The following PCDHA2 variants were observed in gnomAD, a reference collection of about 807,000 sequenced individuals.
PCDHA2 encodes the protein protocadherin alpha-2.
PCDHA2 carries 58 observed loss-of-function variants against 66.0 expected under a neutral mutation model. The observed-to-expected ratio is 0.88, with a 90% CI of 0.71 to 1.09. The LOEUF (loss-of-function observed/expected upper bound fraction) is 1.09. Ranked by LOEUF, PCDHA2 falls within the 50% of genes least tolerant of loss-of-function variation. PCDHA2 has a pLI of 0.00. For synonymous variants in PCDHA2, 634 were observed against 554.0 expected, an observed-to-expected ratio of 1.14 and a Z score of -2.03; for missense variants, 1,267 against 1,242.3, an observed-to-expected ratio of 1.02 and a Z score of -0.30.
intron 1 of PCDHA2, chr5:140,834,490 C>CCG (rs1360938098): frequency 5.0e-6 from 8 of 1,614,154 alleles, no homozygotes; most frequent in Non-Finnish European, 5.9e-6. Flanking sequence ...TACTCGGTCC[C>CCG]CGAGGAGGCT....
In PCDHA2 at chr5:140,884,485, A is replaced by G. The variant is rs781880810; in HGVS notation, c.2388+87133A>G. 8 of 1,613,726 alleles carry G rather than the reference A, an allele frequency of 5.0e-6. No homozygotes were observed. The South Asian group carries it at 6.6e-5, about 13-fold the overall frequency. Reference sequence around the variant, plus strand: ...CGTGCGCGCCGGGCAAGCCCACTCTAGTGTGCTCCAGCGCGGCAGGGAGTT... The same window carrying G: ...CGTGCGCGCCGGGCAAGCCCACTCTGGTGTGCTCCAGCGCGGCAGGGAGTT... On this transcript the variant is annotated intron_variant, in intron 1 of 3. Transcript: ENST00000526136.
At chr5:140,882,050 T>TA (rs1260382802) in intron 1 of PCDHA2, 7 of 756,632 alleles carry the variant, frequency 9.3e-6, no homozygotes, top group African/African-American at 3.5e-5. Context: ...GAGTCATACT[T>TA]ACACTTACAC....
intron 3 of PCDHA2, among the ~76,000 whole-genome samples, chr5:140,996,441 C>G (rs2097726719): frequency 6.6e-6 from 1 of 152,146 alleles, no homozygotes; most frequent in Non-Finnish European, 1.5e-5. Context: ...TAGTCAGTGT[C>G]AAGTTGTGGT....
intron 1 of PCDHA2, among the ~76,000 whole-genome samples, chr5:140,840,919 A>C (rs2150310100): frequency 6.6e-5 from 10 of 152,182 alleles, no homozygotes; most frequent in African/African-American, 2.2e-4. Context: ...TAAATTTATT[A>C]TTAATTGATA....
chr5:140,940,635 TC>T (rs2092658903), intron 1 of PCDHA2, among the ~76,000 whole-genome samples: 1 of 152,214 alleles, frequency 6.6e-6, no homozygotes, highest in African/African-American at 2.4e-5. Context: ...CTTAAGCTTG[TC>T]ATTTATTTAT....
chr5:140,807,955 T>G (rs373945193), intron 1 of PCDHA2: 167 of 1,612,616 alleles, frequency 1.0e-4, no homozygotes, highest in Middle Eastern at 1.6e-4. Flanking sequence ...AAAATGTTCC[T>G]AATGGAACAT....
chr5:140,910,019 T>C (rs2074838579), intron 1 of PCDHA2, among the ~76,000 whole-genome samples: 1 of 152,222 alleles, frequency 6.6e-6, no homozygotes, highest in Non-Finnish European at 1.5e-5. Flanking sequence ...CATCCTTGTA[T>C]CCCTGGGATA....
intron 1 of PCDHA2, among the ~76,000 whole-genome samples, chr5:140,846,739 C>A (rs1314749505): frequency 8.0e-5 from 12 of 149,210 alleles, no homozygotes; most frequent in Non-Finnish European, 6.0e-5. Context: ...TTAAATAGGA[C>A]CCTTACAGAT....
At chr5:140,879,141 G>C (rs1413837977) in intron 1 of PCDHA2, among the ~76,000 whole-genome samples, 2 of 152,192 alleles carry the variant, frequency 1.3e-5, no homozygotes, top group Non-Finnish European at 2.9e-5. Context: ...GATTGTGAAG[G>C]CAGGAAAGCT....
chr5:140,876,662 T>G (rs782771484), intron 1 of PCDHA2: 23 of 1,614,114 alleles, frequency 1.4e-5, no homozygotes, highest in Non-Finnish European at 1.9e-5. Context: ...CCCTTCAAGC[T>G]GGTGTCCACC....
In PCDHA2 at chr5:140,961,136, G is replaced by A. The variant is rs1474839905; in HGVS notation, c.2389-17813G>A. On this transcript the variant is annotated intron_variant, in intron 1 of 3. Coordinates refer to ENST00000526136, the MANE Select transcript of PCDHA2 (RefSeq NM_018905.3). ...TGCATCTTAATGTCTTGGCACTTAA[G>A]AGTTGGCATATTATTTCAGTACATA... is the stretch of plus-strand genomic sequence containing the variant. Among the ~76,000 whole-genome samples the A allele has an allele frequency of 3.9e-5, 6 of 152,270 alleles. No homozygotes were observed. The East Asian group carries it at 1.2e-3, about 29-fold the overall frequency.
At chr5:140,846,342 C>CTTTCTCT (rs1780336698) in intron 1 of PCDHA2, among the ~76,000 whole-genome samples, 1 of 138,926 alleles carries the variant, frequency 7.2e-6, no homozygotes, top group Non-Finnish European at 1.6e-5. Flanking sequence ...TTTTAAAGTG[C>CTTTCTCT]TTTCTCTTTT....
chr5:140,863,219 G>T, intron 1 of PCDHA2: 1 of 1,108,786 alleles, frequency 9.0e-7, no homozygotes. Flanking sequence ...AGCCAAGCGA[G>T]GAAGGTCCCA....
Position 140,801,410 on chromosome 5 carries a change from C to T in PCDHA2, c.2388+4058C>T, listed in dbSNP as rs138112183. On this transcript the variant is annotated intron_variant, in intron 1 of 3. Coordinates refer to ENST00000526136, the MANE Select transcript of PCDHA2 (RefSeq NM_018905.3). ...TGTTCCGGGTGGCGTCCAAAAGACA[C>T]GGGGACCTTCTGGAGGTAAATCTGC... 100 of 1,613,778 alleles carry T rather than the reference C, an allele frequency of 6.2e-5. No individual in the cohort carries two copies. The Middle Eastern group carries it at 7.0e-4, about 11-fold the overall frequency.
intron 1 of PCDHA2, chr5:140,866,074 T>C (rs1409925126): frequency 6.6e-6 from 1 of 152,180 alleles, no homozygotes; most frequent in Non-Finnish European, 1.5e-5. Context: ...CTGAGATAGG[T>C]ATTTTGGTTA....
chr5:140,856,934 G>A, intron 1 of PCDHA2: 1 of 1,593,752 alleles, frequency 6.3e-7, no homozygotes. Context: ...TTGGATAAAC[G>A]AAAGGACGGG....
rs1554149344 is a variant in PCDHA2, at chr5:140,856,961, G to C, written c.2388+59609G>C. 5.0e-6 allele frequency: 8 copies of C among 1,590,776 alleles called. 2 individuals carry two copies. The highest frequency in any genetic ancestry group is 3.4e-5 in the Admixed American group (2 of 59,226). ...AAGGACGGGAGAAATAAAAGTAAATGATGCTATTGACTTTGAGGACAGTAA... is the reference window on the plus strand; with the variant it reads ...AAGGACGGGAGAAATAAAAGTAAATCATGCTATTGACTTTGAGGACAGTAA... On this transcript the variant is annotated intron_variant, in intron 1 of 3. Transcript: ENST00000526136.
intron 1 of PCDHA2, chr5:140,850,704 C>G (rs2041773068): frequency 1.3e-6 from 2 of 1,598,020 alleles, no homozygotes; most frequent in Admixed American, 3.4e-5. Context: ...GCCTGGCAAG[C>G]CGACGCTGGT....
Position 140,848,783 on chromosome 5 carries a change from C to A in PCDHA2, c.2388+51431C>A, listed in dbSNP as rs2150420389. 1.5e-5 allele frequency: 24 copies of A among 1,593,092 alleles called. 2 individuals carry two copies. The highest frequency in any genetic ancestry group is 2.2e-5 in the East Asian group (1 of 44,812). On this transcript the variant is annotated intron_variant, in intron 1 of 3. Transcript: ENST00000526136. ...CTCGGATCGACCGCGAGGAGCTGTG[C>A]GGGCGGAGCGCGGAGTGCAGCATCC... is the stretch of plus-strand genomic sequence containing the variant.
Sources: gnomAD v4.1 joint callset for allele counts (sites outside exome capture counted in the v4.1 genomes callset) on GRCh38, gnomAD v4.1.1 for gene constraint, MANE v1.5 for transcripts, NCBI Gene and HGNC (gene_info 2026-07-23, HGNC 2026-07-21) for gene names.